Variants in SLCO6A1 observed in about 807,000 individuals in gnomAD.
The protein encoded by SLCO6A1 is cancer/testis antigen 48.
In SLCO6A1, 65 loss-of-function variants were observed where a neutral mutation model predicts 72.7. That is an observed-to-expected ratio of 0.89 (90% CI 0.73 to 1.10). The LOEUF (loss-of-function observed/expected upper bound fraction) is 1.10. Ranked by LOEUF, SLCO6A1 falls within the 50% of genes least tolerant of loss-of-function variation. The pLI, the probability that SLCO6A1 is intolerant of heterozygous loss-of-function variation, is 0.00. For synonymous variants in SLCO6A1, 314 were observed against 298.2 expected, an observed-to-expected ratio of 1.05 and a Z score of -0.55; for missense variants, 874 against 872.6, an observed-to-expected ratio of 1.00 and a Z score of -0.02.
intron 6 of SLCO6A1, among the ~76,000 whole-genome samples, chr5:102,456,765 A>G (rs1180929584): frequency 6.6e-6 from 1 of 152,094 alleles, no homozygotes. Flanking sequence ...TAAAGTTCAT[A>G]TGGAACCAAA....
chr5:102,396,769 TC>T (rs1323156234), intron 10 of SLCO6A1, among the ~76,000 whole-genome samples: 2 of 152,140 alleles, frequency 1.3e-5, no homozygotes, highest in Admixed American at 1.3e-4. Flanking sequence ...CCCAACTTCT[TC>T]CAATAGTGAC....
At chr5:102,450,630 T>C (rs1420032581) in intron 6 of SLCO6A1, among the ~76,000 whole-genome samples, 2 of 152,210 alleles carry the variant, frequency 1.3e-5, no homozygotes, top group Admixed American at 1.3e-4. Flanking sequence ...GCTGATGCCT[T>C]TTCTTCCCTC....
chr5:102,381,576 C>T (rs1009310367), intron 12 of SLCO6A1, among the ~76,000 whole-genome samples: 1 of 151,670 alleles, frequency 6.6e-6, no homozygotes, highest in Non-Finnish European at 1.5e-5. Flanking sequence ...ATTTCATTAC[C>T]TTTGGATATA....
intron 6 of SLCO6A1, 65 bp downstream of exon 6, chr5:102,458,317 T>C: frequency 1.6e-6 from 2 of 1,225,168 alleles, no homozygotes; most frequent in East Asian, 2.3e-5. Context: ...TTTTCATAAG[T>C]TCATTATTAG....
rs370275801 is a variant in SLCO6A1, at chr5:102,496,646, G to A, written c.358+1841C>T. Reference sequence around the variant, plus strand: ...TTCAGAATTATGTCTGGTATTTAAAGGCCTTCATAATCTAGGCATAATCTG... The same window carrying A: ...TTCAGAATTATGTCTGGTATTTAAAAGCCTTCATAATCTAGGCATAATCTG... On this transcript the variant is annotated intron_variant, in intron 1 of 13. Coordinates refer to ENST00000506729, the MANE Select transcript of SLCO6A1 (RefSeq NM_173488.5). 1.8e-4 allele frequency among the ~76,000 whole-genome samples: 27 copies of A among 152,248 alleles called. No individual in the cohort carries two copies. In the East Asian group the frequency reaches 5.0e-3, roughly 28 times the overall value.
At chr5:102,397,809 T>C (rs1747178862) in intron 10 of SLCO6A1, among the ~76,000 whole-genome samples, 1 of 152,198 alleles carries the variant, frequency 6.6e-6, no homozygotes, top group African/African-American at 2.4e-5. Context: ...AACACTTATA[T>C]GCAATTTCAA....
chr5:102,387,536 T>C (rs934383193), intron 12 of SLCO6A1, among the ~76,000 whole-genome samples: 2 of 152,204 alleles, frequency 1.3e-5, no homozygotes, highest in Non-Finnish European at 2.9e-5. Flanking sequence ...TAATTTTGAC[T>C]TCTCAAGTGT....
chr5:102,469,569 G>A (rs959000463), intron 4 of SLCO6A1, among the ~76,000 whole-genome samples: 3 of 152,086 alleles, frequency 2.0e-5, no homozygotes, highest in African/African-American at 4.8e-5. Context: ...CTGAGACGAC[G>A]GGGTTTTCTG....
intron 9 of SLCO6A1, among the ~76,000 whole-genome samples, chr5:102,412,000 TTCAAAA>T: frequency 6.6e-6 from 1 of 152,158 alleles, no homozygotes; most frequent in East Asian, 1.9e-4. Flanking sequence ...ACTATGAGAC[TTCAAAA>T]GAACCTTGGT....
intron 1 of SLCO6A1, among the ~76,000 whole-genome samples, chr5:102,483,042 A>G (rs1580513095): frequency 6.6e-6 from 1 of 152,162 alleles, no homozygotes; most frequent in Non-Finnish European, 1.5e-5. Context: ...TATAACCTCC[A>G]TCCTTGATGT....
Position 102,469,749 on chromosome 5 carries a change from GA to G in SLCO6A1, c.899+5947del, listed in dbSNP as rs1272618444. Among the ~76,000 whole-genome samples the G allele has an allele frequency of 8.5e-5, 13 of 152,242 alleles. No individual in the cohort carries two copies. In the East Asian group the frequency reaches 1.2e-3, roughly 14 times the overall value. On this transcript the variant is annotated intron_variant, in intron 4 of 13. Coordinates refer to ENST00000506729, the MANE Select transcript of SLCO6A1 (RefSeq NM_173488.5). ...CTTGTCTTGTGCCGGTTTTCAAAGG[GA>G]ATGCTTCCAGTTTTTGCCCATTCAG...
In SLCO6A1 at chr5:102,412,988, A is replaced by G; in HGVS notation, c.1626+2T>C. 7.8e-7 allele frequency: 1 copy of G among 1,287,928 alleles called. No homozygotes were observed. Among genetic ancestry groups the G allele is most frequent in the Non-Finnish European group, 1.0e-6 (1 of 987,254 alleles). The allele number at this position is 1,287,928 out of a possible 1,614,324, so 79.8% of individuals were successfully genotyped here. On this transcript the variant is annotated splice_donor_variant, in intron 9 of 13. Coordinates refer to ENST00000506729, the MANE Select transcript of SLCO6A1 (RefSeq NM_173488.5). LOFTEE classifies it high-confidence loss of function. ...AACATAATAATTATAAAAAATAATTACCTTTTTTTGGTTTTGTGCTTTAGA... is the reference window on the plus strand; with the variant it reads ...AACATAATAATTATAAAAAATAATTGCCTTTTTTTGGTTTTGTGCTTTAGA...
chr5:102,372,493 AAC>A (rs2112455977), intron 13 of SLCO6A1, among the ~76,000 whole-genome samples: 1 of 152,134 alleles, frequency 6.6e-6, no homozygotes, highest in Non-Finnish European at 1.5e-5. Context: ...AAAAAATTAT[AAC>A]AAAATCTCTA....
At chr5:102,448,545 G>C (rs1485080975) in intron 6 of SLCO6A1, among the ~76,000 whole-genome samples, 2 of 152,104 alleles carry the variant, frequency 1.3e-5, no homozygotes, top group African/African-American at 4.8e-5. Flanking sequence ...TTATGAGTCT[G>C]GGCATTCCAG....
At chr5:102,478,596 C>T (rs1752031848) in intron 2 of SLCO6A1, among the ~76,000 whole-genome samples, 1 of 152,154 alleles carries the variant, frequency 6.6e-6, no homozygotes, top group Non-Finnish European at 1.5e-5. Context: ...ATTTTAATAT[C>T]TTCCAGGTCA....
Position 102,463,955 on chromosome 5 carries a change from C to T in SLCO6A1, c.900-4178G>A, listed in dbSNP as rs952242217. Among the ~76,000 whole-genome samples the T allele has an allele frequency of 2.0e-5, 3 of 150,544 alleles. No homozygotes were observed. The South Asian group carries it at 6.3e-4, about 32-fold the overall frequency. ...ATTTGCAGCAACCTGGATGGAACTG[C>T]GCATGTTCTCACTCATTAGTGGGAG... is the stretch of plus-strand genomic sequence containing the variant. On this transcript the variant is annotated intron_variant, in intron 4 of 13. Coordinates refer to ENST00000506729, the MANE Select transcript of SLCO6A1 (RefSeq NM_173488.5).
rs779681177 is a variant in SLCO6A1 at position 102,424,147 on chromosome 5, T to TA, written c.1277-4127dup. 7.9e-5 allele frequency among the ~76,000 whole-genome samples: 12 copies of TA among 152,222 alleles called. No individual in the cohort carries two copies. The South Asian group carries it at 2.5e-3, about 32-fold the overall frequency. On this transcript the variant is annotated intron_variant, in intron 7 of 13. Transcript: ENST00000506729. ...GTGTTTAGAGGAAAATTTATAGCAC[T>TA]AAATGCCCACAGGAGAAAGCAGGAA...
chr5:102,410,402 A>G (rs1382251644), intron 9 of SLCO6A1, among the ~76,000 whole-genome samples: 2 of 152,134 alleles, frequency 1.3e-5, no homozygotes, highest in Admixed American at 6.5e-5. Context: ...TGATTTGTCC[A>G]TGGGTGGCCA....
intron 10 of SLCO6A1, among the ~76,000 whole-genome samples, chr5:102,397,987 G>T (rs184017903): frequency 3.3e-5 from 5 of 152,168 alleles, no homozygotes; most frequent in African/African-American, 1.2e-4. Context: ...TGGAAACATT[G>T]AATGTTTCAA....
Sources: allele counts gnomAD v4.1 joint callset (sites outside exome capture counted in the v4.1 genomes callset), GRCh38; gene constraint gnomAD v4.1.1; transcripts MANE v1.5; gene names NCBI Gene and HGNC (gene_info 2026-07-23, HGNC 2026-07-21).